Variants in SLC28A1 observed in about 807,000 individuals in gnomAD.
SLC28A1 encodes the protein sodium/nucleoside cotransporter 1.
A neutral mutation model predicts 74.8 loss-of-function variants in SLC28A1; 64 were observed. That is an observed-to-expected ratio of 0.86 (90% CI 0.70 to 1.05). SLC28A1 has a LOEUF of 1.05. Among genes scored for constraint, SLC28A1 ranks in the 50% least tolerant of loss-of-function variants. The pLI, the probability that SLC28A1 is intolerant of heterozygous loss-of-function variation, is 0.00. For missense variants in SLC28A1, 828 were observed against 822.8 expected, an observed-to-expected ratio of 1.01 and a Z score of -0.08; for synonymous variants, 359 against 335.0, an observed-to-expected ratio of 1.07 and a Z score of -0.78.
chr15:84,912,838 ACACACACAC>A (rs368536018), intron 9 of SLC28A1, among the ~76,000 whole-genome samples: 1,582 of 132,416 alleles, frequency 0.012, 24 homozygotes, highest in Non-Finnish European at 0.019. Flanking sequence ...ACACACACAC[ACACACACAC>A]AGATCAAATA....
Position 84,912,806 on chromosome 15 carries a change from GCACACACA to G in SLC28A1, c.795+4046_795+4053del, listed in dbSNP as rs199525878. ...CAACAGTGCCAAATTTTGCGCGCGC[GCACACACA>G]CACACACACACACACACACACACAC... On this transcript the variant is annotated intron_variant, in intron 9 of 18. Coordinates refer to ENST00000394573, the MANE Select transcript of SLC28A1 (RefSeq NM_004213.5). Among the ~76,000 whole-genome samples, 283 of 112,276 alleles carry G rather than the reference GCACACACA, an allele frequency of 2.5e-3. 7 individuals carry two copies. The highest frequency in any genetic ancestry group is 8.5e-3 in the South Asian group (34 of 3,990). 73.7% of individuals were successfully genotyped at this position (112,276 alleles called of 152,430 possible). A position where few individuals can be genotyped will look rare whatever the true frequency, so the allele number is the denominator to read the frequency against.
intron 12 of SLC28A1, among the ~76,000 whole-genome samples, chr15:84,927,978 T>C (rs1300267916): frequency 6.6e-6 from 1 of 152,332 alleles, no homozygotes; most frequent in African/African-American, 2.4e-5. Context: ...TCTGGTCCCC[T>C]TAGACAACGA....
intron 6 of SLC28A1, among the ~76,000 whole-genome samples, chr15:84,897,852 T>TA (rs1265817803): frequency 6.6e-6 from 1 of 152,254 alleles, no homozygotes; most frequent in Non-Finnish European, 1.5e-5. Context: ...ATGTACTTTT[T>TA]AAGCTCCCAC....
chr15:84,961,469 C>T, the SLC28A1 span: 28 of 453,088 alleles, frequency 6.2e-5, no homozygotes, highest in Non-Finnish European at 5.3e-5. Context: ...GCAGCTGGGA[C>T]TACATGTATG....
chr15:84,935,951 G>GTT (rs1262653065), intron 15 of SLC28A1, among the ~76,000 whole-genome samples: 20 of 38,762 alleles, frequency 5.2e-4, no homozygotes, highest in Non-Finnish European at 8.6e-4. Context: ...TTTGGTTTTT[G>GTT]TTTTTTTTTT....
At chr15:84,902,821 C>G (rs1181797006) in intron 6 of SLC28A1, among the ~76,000 whole-genome samples, 2 of 151,892 alleles carry the variant, frequency 1.3e-5, no homozygotes. Context: ...CCTCTGCCTC[C>G]CAGATTCAAG....
chr15:84,963,176 A>G, the SLC28A1 span, among the ~76,000 whole-genome samples: 1 of 152,152 alleles, frequency 6.6e-6, no homozygotes, highest in Non-Finnish European at 1.5e-5. Flanking sequence ...ATTGAATTAG[A>G]AAAAATCAAG....
At chr15:84,974,987 C>T in the SLC28A1 span, among the ~76,000 whole-genome samples, 1 of 152,120 alleles carries the variant, frequency 6.6e-6, no homozygotes, top group Non-Finnish European at 1.5e-5. Flanking sequence ...GGGGTGATCT[C>T]ACTACCTCCC....
chr15:84,943,374 C>G, intron 15 of SLC28A1, 71 bp from the exon 16 acceptor site: 1 of 1,072,190 alleles, frequency 9.3e-7, no homozygotes, highest in South Asian at 1.3e-5. Flanking sequence ...GGCCAGGGAG[C>G]CTGGGTGTTA....
chr15:84,901,938 C>T (rs1278164270), intron 6 of SLC28A1, among the ~76,000 whole-genome samples: 2 of 152,078 alleles, frequency 1.3e-5, no homozygotes, highest in African/African-American at 2.4e-5. Context: ...CTGCAATAGC[C>T]GAAAACTGGA....
chr15:84,928,602 CTTTTCTTTCTTTCTTTTCTTTCTTT>C (rs1970876554), intron 12 of SLC28A1, among the ~76,000 whole-genome samples: 1 of 8,314 alleles, frequency 1.2e-4, no homozygotes, highest in African/African-American at 8.6e-4. Flanking sequence ...TTCTTTCTTT[CTTTTCTTTCTTTCTTTTCTTTCTTT>C]CTTTCTTTTT....
Position 84,944,778 on chromosome 15 carries a change from G to T in SLC28A1, c.1785G>T (p.Gly595=), listed in dbSNP as rs750902935. ...CMAGILYMPR[G]AEVDCMSLLN... ...CAGGGATCCTCTACATGCCCAGGGG[G>T]GCTGAAGTTGACTGCATGTCCCTCT... The change falls in exon 18 of 19, where the codon GGG becomes GGT. Residue 595 remains glycine, a synonymous_variant. Coordinates refer to ENST00000394573, the MANE Select transcript of SLC28A1 (RefSeq NM_004213.5). 1 of 1,614,026 alleles carries T rather than the reference G, an allele frequency of 6.2e-7. No individual in the cohort carries two copies. The highest frequency in any genetic ancestry group is 8.5e-7 in the Non-Finnish European group (1 of 1,179,886).
Position 84,945,403 on chromosome 15 carries a change from C to T in SLC28A1, c.*203C>T. On this transcript the variant is annotated 3_prime_UTR_variant, in exon 19 of 19. Coordinates refer to ENST00000394573, the MANE Select transcript of SLC28A1 (RefSeq NM_004213.5). ...AAGGAAGGACATGTCCCACTCCATC[C>T]CCCTTCCTGCTCCCCCATTTCCTAA... is the stretch of plus-strand genomic sequence containing the variant. 1.6e-6 allele frequency: 1 copy of T among 606,568 alleles called. No individual in the cohort carries two copies. Among genetic ancestry groups the T allele is most frequent in the Non-Finnish European group, 3.0e-6 (1 of 331,942 alleles). 37.6% of individuals were successfully genotyped at this position (606,568 alleles called of 1,614,324 possible). A position where few individuals can be genotyped will look rare whatever the true frequency, so the allele number is the denominator to read the frequency against.
intron 11 of SLC28A1, among the ~76,000 whole-genome samples, chr15:84,923,030 C>G (rs1008398350): frequency 9.2e-5 from 14 of 152,344 alleles, no homozygotes; most frequent in Admixed American, 9.1e-4. Flanking sequence ...CTCCGCCTCC[C>G]GGGTTCAAGC....
chr15:84,948,499 G>C (rs1453957318), downstream of SLC28A1, among the ~76,000 whole-genome samples: 1 of 152,100 alleles, frequency 6.6e-6, no homozygotes, highest in Non-Finnish European at 1.5e-5. Context: ...CTGTACTCTT[G>C]CCAATGGCCT....
chr15:84,900,199 C>A (rs576981718), intron 6 of SLC28A1, among the ~76,000 whole-genome samples: 10 of 151,414 alleles, frequency 6.6e-5, no homozygotes, highest in African/African-American at 2.2e-4. Flanking sequence ...GTGGCATGCG[C>A]CTGTAGTATC....
chr15:84,946,110 ATATTTT>A (rs1247380558), downstream of SLC28A1, among the ~76,000 whole-genome samples: 1 of 9,598 alleles, frequency 1.0e-4, no homozygotes, highest in African/African-American at 3.0e-4. Context: ...ATATATATAT[ATATTTT>A]TTTTTTTTTT....
At chr15:84,955,099 A>G in the SLC28A1 span, among the ~76,000 whole-genome samples, 1 of 152,184 alleles carries the variant, frequency 6.6e-6, no homozygotes, top group Non-Finnish European at 1.5e-5. Flanking sequence ...CACCAGGTCA[A>G]CTGTCCCAGC....
chr15:84,956,457 T>TTC, the SLC28A1 span, among the ~76,000 whole-genome samples: 1 of 79,166 alleles, frequency 1.3e-5, no homozygotes, highest in Non-Finnish European at 2.8e-5. Context: ...CTTTCTTTCT[T>TTC]TCTTTCTTTC....
Sources: allele counts gnomAD v4.1 joint callset (sites outside exome capture counted in the v4.1 genomes callset), GRCh38; gene constraint gnomAD v4.1.1; transcripts MANE v1.5; gene names NCBI Gene and HGNC (gene_info 2026-07-23, HGNC 2026-07-21).